The following PSMA8 variants were observed in gnomAD, a reference collection of about 807,000 sequenced individuals.
PSMA8 encodes the protein proteasome subunit alpha-type 8.
In PSMA8, 18 loss-of-function variants were observed where a neutral mutation model predicts 32.4. That is an observed-to-expected ratio of 0.56 (90% confidence interval 0.38 to 0.82). The LOEUF (loss-of-function observed/expected upper bound fraction) is 0.82, where lower values mean the gene tolerates loss of function less well. PSMA8 is among the 40% of genes least tolerant of loss of function. The pLI is 0.00. For synonymous variants in PSMA8, 104 were observed against 98.1 expected, an observed-to-expected ratio of 1.06 and a Z score of -0.36; for missense variants, 298 against 300.7, an observed-to-expected ratio of 0.99 and a Z score of 0.07.
chr18:26,150,763 C>G (rs1037695107), intron 2 of PSMA8, among the ~76,000 whole-genome samples: 2 of 152,130 alleles, frequency 1.3e-5, no homozygotes, highest in Non-Finnish European at 2.9e-5. Flanking sequence ...TACTACTTTC[C>G]TAAGTATGTT....
At chr18:26,158,901 A>C (rs1432820800) in intron 4 of PSMA8, among the ~76,000 whole-genome samples, 1 of 152,102 alleles carries the variant, frequency 6.6e-6, no homozygotes, top group East Asian at 1.9e-4. Flanking sequence ...TGAGTCCAGA[A>C]TTTTGAGGTT....
Position 26,169,583 on chromosome 18 carries a change from T to C in PSMA8, c.478-9247T>C, listed in dbSNP as rs1043819782. ...TGCCGGGTGTGGTGGCTCAAGCCGG[T>C]AATCCCAGCACTTTGGGAGGCTGAG... On this transcript the variant is annotated intron_variant, in intron 4 of 6. Coordinates refer to ENST00000415576, the MANE Select transcript of PSMA8 (RefSeq NM_001025096.2). Among the ~76,000 whole-genome samples the C allele has an allele frequency of 3.0e-3, 390 of 129,834 alleles. 46 individuals are homozygous for C. Among genetic ancestry groups the C allele is most frequent in the Non-Finnish European group, 4.5e-3 (303 of 66,948 alleles). 85.2% of individuals were successfully genotyped at this position (129,834 alleles called of 152,430 possible). A position where few individuals can be genotyped will look rare whatever the true frequency, so the allele number is the denominator to read the frequency against.
intron 2 of PSMA8, among the ~76,000 whole-genome samples, chr18:26,150,505 C>CT (rs2055037431): frequency 6.6e-6 from 1 of 151,980 alleles, no homozygotes; most frequent in Admixed American, 6.6e-5. Flanking sequence ...GGCCTGCTAG[C>CT]TTTTTTATTT....
chr18:26,185,543 C>G (rs750451311), intron 6 of PSMA8, among the ~76,000 whole-genome samples: 1 of 150,662 alleles, frequency 6.6e-6, no homozygotes, highest in Non-Finnish European at 1.5e-5. Context: ...AATGTAAGTC[C>G]TTCCCTTCAA....
rs201391610 is a variant in PSMA8, at chr18:26,161,743, T to TA, written c.477+3507dup. Among the ~76,000 whole-genome samples, 797 of 152,112 alleles carry TA rather than the reference T, an allele frequency of 5.2e-3. 5 individuals are homozygous for TA. The highest frequency in any genetic ancestry group is 0.021 in the Middle Eastern group (6 of 292). ...CAGCCTGGACAACATAGACTGTTTC[T>TA]AAAAAAAATGCAAGGAAGTATTCAG... On this transcript the variant is annotated intron_variant, in intron 4 of 6. Coordinates refer to ENST00000415576, the MANE Select transcript of PSMA8 (RefSeq NM_001025096.2).
intron 2 of PSMA8, among the ~76,000 whole-genome samples, chr18:26,149,425 AT>A (rs562180105): frequency 2.0e-3 from 309 of 152,320 alleles, no homozygotes; most frequent in Non-Finnish European, 3.8e-3. Flanking sequence ...AATTTCAATG[AT>A]TTTTTTAAAT....
At chr18:26,147,202 C>A (rs986206754) in intron 2 of PSMA8, among the ~76,000 whole-genome samples, 2 of 141,810 alleles carry the variant, frequency 1.4e-5, no homozygotes, top group Admixed American at 6.9e-5. Flanking sequence ...AACCATATCA[C>A]CCTGTCTCAA....
chr18:26,150,090 T>C (rs984686681), intron 2 of PSMA8, among the ~76,000 whole-genome samples: 2 of 152,106 alleles, frequency 1.3e-5, no homozygotes, highest in African/African-American at 4.8e-5. Flanking sequence ...AAGGAAATGC[T>C]CATTGGAGCC....
At chr18:26,134,831 G>C (rs1284246694) in intron 1 of PSMA8, among the ~76,000 whole-genome samples, 1 of 152,118 alleles carries the variant, frequency 6.6e-6, no homozygotes, top group Non-Finnish European at 1.5e-5. Context: ...GCGCATGCCT[G>C]TAATCCCAGC....
rs535304179 is a variant in PSMA8 at position 26,148,334 on chromosome 18, A to T, written c.230-3524A>T. Among the ~76,000 whole-genome samples, 215 of 152,172 alleles carry T rather than the reference A, an allele frequency of 1.4e-3. 1 individual carries two copies. Among genetic ancestry groups the T allele is most frequent in the African/African-American group, 5.1e-3 (213 of 41,562 alleles). On this transcript the variant is annotated intron_variant, in intron 2 of 6. Coordinates refer to ENST00000415576, the MANE Select transcript of PSMA8 (RefSeq NM_001025096.2). The stretch of plus-strand genomic sequence containing the variant: ...AATACATCATGACCAATTTGGATCT[A>T]TCCCTGGAGTGCAAGCATGGTTCAA...
chr18:26,146,399 A>G (rs1191821962), intron 2 of PSMA8, among the ~76,000 whole-genome samples: 1 of 152,192 alleles, frequency 6.6e-6, no homozygotes, highest in Non-Finnish European at 1.5e-5. Flanking sequence ...ATTCAGAAAA[A>G]CAAAAATGCC....
At chr18:26,178,254 A>G (rs1314531618) in intron 4 of PSMA8, among the ~76,000 whole-genome samples, 5 of 152,006 alleles carry the variant, frequency 3.3e-5, no homozygotes, top group Non-Finnish European at 7.4e-5. Context: ...CTGGTTATCA[A>G]GGATTTGGGA....
chr18:26,155,600 A>G (rs1415210493), intron 3 of PSMA8, among the ~76,000 whole-genome samples: 2 of 152,236 alleles, frequency 1.3e-5, no homozygotes, highest in Non-Finnish European at 2.9e-5. Flanking sequence ...GATATGCAGA[A>G]AAAATGAAAT....
At chr18:26,164,968 A>T (rs958874532) in intron 4 of PSMA8, among the ~76,000 whole-genome samples, 4 of 151,896 alleles carry the variant, frequency 2.6e-5, no homozygotes, top group African/African-American at 9.7e-5. Flanking sequence ...CCCAGGCTGG[A>T]GTGCAATGGT....
At chr18:26,169,167 A>G (rs1328782432) in intron 4 of PSMA8, among the ~76,000 whole-genome samples, 1 of 131,322 alleles carries the variant, frequency 7.6e-6, no homozygotes, top group Non-Finnish European at 1.5e-5. Flanking sequence ...TTTTTTGTAG[A>G]GATGGGGCTT....
chr18:26,158,150 CT>C lies in PSMA8; in HGVS notation c.387del (p.Phe129LeufsTer6). The C allele has an allele frequency of 6.2e-7, 1 of 1,601,008 alleles. No individual in the cohort carries two copies. Among genetic ancestry groups the C allele is most frequent in the Non-Finnish European group, 8.6e-7 (1 of 1,169,444 alleles). ...QKYTQSNGRR[P>X]FGISALIVGF... is the part of the protein sequence containing the mutation. ...TATACCCAAAGCAATGGACGAAGAC[CT>C]TTTGGTATTTCTGCCTTAATTGTAG... On this transcript the variant is annotated frameshift_variant, in exon 4 of 7. Transcript: ENST00000415576. LOFTEE classifies it high-confidence loss of function.
rs1267751106 is a variant in PSMA8, at chr18:26,151,533, T to C, written c.230-325T>C. Among the ~76,000 whole-genome samples the C allele has an allele frequency of 2.0e-5, 3 of 152,368 alleles. No homozygotes were observed. The East Asian group carries it at 5.8e-4, about 29-fold the overall frequency. On this transcript the variant is annotated intron_variant, in intron 2 of 6. Coordinates refer to ENST00000415576, the MANE Select transcript of PSMA8 (RefSeq NM_001025096.2). ...GTGACATGTCACAGCTTTGTTAATG[T>C]AGTTTGAATTCAGTGAATATATATT...
Position 26,144,250 on chromosome 18 carries a change from G to C in PSMA8, c.103-309G>C, listed in dbSNP as rs2054983321. On this transcript the variant is annotated intron_variant, in intron 1 of 6. Transcript: ENST00000415576. ...TTGCAATTTTCAAGAACCTGTCAAT[G>C]ACATTGAGAACTTACCGTATTTAGA... Among the ~76,000 whole-genome samples the C allele has an allele frequency of 3.9e-5, 6 of 152,244 alleles. No individual in the cohort carries two copies. The South Asian group carries it at 1.2e-3, about 32-fold the overall frequency.
chr18:26,170,827 A>G, intron 4 of PSMA8: 2 of 1,558,982 alleles, frequency 1.3e-6, no homozygotes, highest in Non-Finnish European at 8.5e-7. Flanking sequence ...TATTTCTCCA[A>G]ATCAATTTCT....
Sources: allele counts gnomAD v4.1 joint callset (sites outside exome capture counted in the v4.1 genomes callset), GRCh38; gene constraint gnomAD v4.1.1; transcripts MANE v1.5; gene names NCBI Gene and HGNC (gene_info 2026-07-23, HGNC 2026-07-21).